Variants in HDAC9 observed in about 807,000 individuals in gnomAD.
HDAC9 encodes MEF-2 interacting transcription repressor (MITR) protein.
Under a neutral mutation model 139.4 loss-of-function variants are expected in HDAC9, and 41 were observed. That is an observed-to-expected ratio of 0.29 (90% confidence interval 0.23 to 0.38). HDAC9 has a LOEUF of 0.38. Among genes scored for constraint, HDAC9 ranks in the 10% least tolerant of loss-of-function variants. The pLI, the probability that HDAC9 is intolerant of heterozygous loss-of-function variation, is 1.00. For synonymous variants in HDAC9, 517 were observed against 476.2 expected (o/e 1.09, Z -1.12); for missense variants, 1,147 against 1,297.0 (o/e 0.88, Z 1.78).
chr7:18,680,374 C>G (rs1443510000), intron 12 of HDAC9, among the ~76,000 whole-genome samples: 1 of 151,972 alleles, frequency 6.6e-6, no homozygotes, highest in African/African-American at 2.4e-5. Flanking sequence ...TGATTCAGAA[C>G]TATTCAGGTT....
At chr7:18,144,850 C>A (rs1426193079) in intron 1 of HDAC9, among the ~76,000 whole-genome samples, 1 of 152,158 alleles carries the variant, frequency 6.6e-6, no homozygotes, top group African/African-American at 2.4e-5. Context: ...TGTACCTTTT[C>A]TTCTAACCAC....
intron 1 of HDAC9, among the ~76,000 whole-genome samples, chr7:18,346,858 G>C (rs886311593): frequency 2.6e-5 from 4 of 152,048 alleles, no homozygotes; most frequent in African/African-American, 9.7e-5. Context: ...GAGAGTGCAG[G>C]TCATTTTTCT....
At chr7:18,434,209 G>A (rs376947514) in intron 1 of HDAC9, among the ~76,000 whole-genome samples, 23 of 152,252 alleles carry the variant, frequency 1.5e-4, no homozygotes, top group East Asian at 7.7e-4. Flanking sequence ...CTAGCTATCC[G>A]TATGCAGAAG....
At chr7:18,154,246 A>T (rs574658636) in intron 1 of HDAC9, among the ~76,000 whole-genome samples, 1 of 152,186 alleles carries the variant, frequency 6.6e-6, no homozygotes, top group South Asian at 2.1e-4. Flanking sequence ...TAAACATGGT[A>T]TATTCACAAG....
chr7:18,478,665 C>A (rs575959654), intron 1 of HDAC9, among the ~76,000 whole-genome samples: 3 of 152,142 alleles, frequency 2.0e-5, no homozygotes, highest in Non-Finnish European at 4.4e-5. Context: ...TTACAAAATA[C>A]AAAGTATTGC....
chr7:18,888,434 A>G (rs1338665995), intron 22 of HDAC9, among the ~76,000 whole-genome samples: 5 of 152,086 alleles, frequency 3.3e-5, no homozygotes, highest in Admixed American at 3.3e-4. Context: ...CAAAAAATAA[A>G]ATAAAATAAG....
intron 2 of HDAC9, among the ~76,000 whole-genome samples, chr7:18,252,727 A>C (rs200819512): frequency 7.2e-6 from 1 of 138,274 alleles, no homozygotes; most frequent in African/African-American, 2.7e-5. Flanking sequence ...TTTTTTTTTT[A>C]TTTTTGTTGA....
In HDAC9 at chr7:18,593,897, G is replaced by A; in HGVS notation, c.543-11G>A. ...ACCAAGTAAATAGTGAAACTTCCTT[G>A]TCTTTTCTAGGGCTGCCCACCACAC... On this transcript the variant is annotated splice_polypyrimidine_tract_variant and intron_variant, in intron 5 of 25. Transcript: ENST00000686413. 6.2e-7 allele frequency: 1 copy of A among 1,612,020 alleles called. No homozygotes were observed. The highest frequency in any genetic ancestry group is 8.5e-7 in the Non-Finnish European group (1 of 1,178,648).
intron 17 of HDAC9, among the ~76,000 whole-genome samples, chr7:18,824,184 C>G (rs762604077): frequency 6.6e-6 from 1 of 152,086 alleles, no homozygotes; most frequent in Non-Finnish European, 1.5e-5. Flanking sequence ...AGAGGGAAGA[C>G]GGCTGTCTGC....
intron 1 of HDAC9, among the ~76,000 whole-genome samples, chr7:18,340,353 T>C (rs1281493672): frequency 6.6e-6 from 1 of 151,590 alleles, no homozygotes; most frequent in Admixed American, 6.6e-5. Context: ...TTAGACCATA[T>C]ACCTTTAGTG....
At chr7:18,185,543 G>A (rs951589655) in intron 2 of HDAC9, among the ~76,000 whole-genome samples, 1 of 152,092 alleles carries the variant, frequency 6.6e-6, no homozygotes, top group Non-Finnish European at 1.5e-5. Flanking sequence ...GTTCTATTTT[G>A]AAAAGAGACA....
chr7:18,329,524 C>A (rs762089526), intron 1 of HDAC9, among the ~76,000 whole-genome samples: 1 of 147,572 alleles, frequency 6.8e-6, no homozygotes, highest in Non-Finnish European at 1.5e-5. Flanking sequence ...GAATAATTGT[C>A]GATTAGTAAA....
At chr7:18,855,309 G>A (rs1322979987) in intron 21 of HDAC9, among the ~76,000 whole-genome samples, 1 of 152,072 alleles carries the variant, frequency 6.6e-6, no homozygotes, top group Non-Finnish European at 1.5e-5. Context: ...GAAGGGAGTT[G>A]GAAAGATTGA....
chr7:18,211,395 T>G (rs144661897), intron 2 of HDAC9, among the ~76,000 whole-genome samples: 1 of 152,286 alleles, frequency 6.6e-6, no homozygotes, highest in Non-Finnish European at 1.5e-5. Flanking sequence ...TGTGGTACAG[T>G]GAGAGAAGGC....
chr7:18,489,908 A>C (rs184184869), intron 1 of HDAC9, among the ~76,000 whole-genome samples: 25 of 152,162 alleles, frequency 1.6e-4, no homozygotes, highest in African/African-American at 5.3e-4. Flanking sequence ...ATGGCTGAGC[A>C]GGGAAAAGCT....
chr7:18,157,123 A>G (rs1202978854), intron 1 of HDAC9, among the ~76,000 whole-genome samples: 1 of 152,192 alleles, frequency 6.6e-6, no homozygotes, highest in Non-Finnish European at 1.5e-5. Context: ...GATGCAGAAA[A>G]GGTAATAGTA....
At chr7:18,150,044 T>C (rs1786652903) in intron 1 of HDAC9, among the ~76,000 whole-genome samples, 3 of 150,776 alleles carry the variant, frequency 2.0e-5, no homozygotes, top group Admixed American at 2.0e-4. Context: ...CCCATATTTT[T>C]CCTAGTGTGA....
At chr7:18,858,175 G>C (rs1010246318) in intron 21 of HDAC9, among the ~76,000 whole-genome samples, 2 of 152,074 alleles carry the variant, frequency 1.3e-5, no homozygotes, top group African/African-American at 4.8e-5. Context: ...AGCTATCTGT[G>C]CATATGGATC....
intron 7 of HDAC9, among the ~76,000 whole-genome samples, chr7:18,634,415 A>G (rs1269797831): frequency 2.0e-5 from 3 of 151,126 alleles, no homozygotes; most frequent in South Asian, 2.1e-4. Context: ...GTTGAACACT[A>G]TTTAGTATGT....
Sources: gnomAD v4.1 joint callset for allele counts (sites outside exome capture counted in the v4.1 genomes callset) on GRCh38, gnomAD v4.1.1 for gene constraint, MANE v1.5 for transcripts, NCBI Gene and HGNC (gene_info 2026-07-23, HGNC 2026-07-21) for gene names.